Variants in NXPE2 observed in about 807,000 individuals in gnomAD.
The protein encoded by NXPE2 is NXPE family member 2.
In NXPE2, 34 loss-of-function variants were observed where a neutral mutation model predicts 34.4. The observed-to-expected ratio is 0.99, with a 90% confidence interval of 0.75 to 1.31. NXPE2 has a LOEUF of 1.31. NXPE2 is among the 40% of genes most tolerant of loss of function. The pLI is 0.00. For synonymous variants in NXPE2, 235 were observed against 231.3 expected (o/e 1.02, Z -0.15); for missense variants, 649 against 672.5 (o/e 0.97, Z 0.39).
At chr11:114,551,021 T>C in the NXPE2 span, 1 of 715,214 alleles carries the variant, frequency 1.4e-6, no homozygotes, top group South Asian at 1.6e-5. Context: ...GGGGCAGGAC[T>C]AATGGAGTGG....
chr11:114,566,466 A>G, the NXPE2 span, among the ~76,000 whole-genome samples: 1 of 152,194 alleles, frequency 6.6e-6, no homozygotes, highest in African/African-American at 2.4e-5. Flanking sequence ...GTCAAACACT[A>G]CTGAGAGGCT....
chr11:114,471,067 T>G, the NXPE2 span, among the ~76,000 whole-genome samples: 1 of 152,342 alleles, frequency 6.6e-6, no homozygotes, highest in East Asian at 1.9e-4. Flanking sequence ...TTAGCAAATC[T>G]TTTCTCCCAG....
chr11:114,586,984 C>G, the NXPE2 span, among the ~76,000 whole-genome samples: 1 of 152,170 alleles, frequency 6.6e-6, no homozygotes, highest in Non-Finnish European at 1.5e-5. Context: ...GAACATCTCT[C>G]TCTTTACCCT....
At chr11:114,808,565 T>C in the NXPE2 span, among the ~76,000 whole-genome samples, 65,424 of 69,348 alleles carry the variant, frequency 0.94, 31,252 homozygotes, top group Middle Eastern at 1. Context: ...ACTACAAACA[T>C]CTCTACGCAA....
At chr11:114,607,168 T>C in the NXPE2 span, among the ~76,000 whole-genome samples, 1 of 151,812 alleles carries the variant, frequency 6.6e-6, no homozygotes, top group Non-Finnish European at 1.5e-5. Flanking sequence ...CACTGGATAA[T>C]CAGTGTTGCA....
rs530946783 is a variant in NXPE2 at position 114,695,288 on chromosome 11, A to T, written c.133-2757A>T. Reference sequence around the variant, plus strand: ...GAATTCCTATTGAGTTGGTTGTAAGATGTGCAGGAGGGGAAGCATTCTGTA... The same window carrying T: ...GAATTCCTATTGAGTTGGTTGTAAGTTGTGCAGGAGGGGAAGCATTCTGTA... On this transcript the variant is annotated intron_variant, in intron 2 of 5. Coordinates refer to ENST00000389586, the MANE Select transcript of NXPE2 (RefSeq NM_182495.6). Among the ~76,000 whole-genome samples the T allele has an allele frequency of 2.6e-5, 4 of 152,258 alleles. No homozygotes were observed. In the East Asian group the frequency reaches 7.7e-4, roughly 29 times the overall value.
chr11:114,591,242 G>A, the NXPE2 span, among the ~76,000 whole-genome samples: 1 of 152,276 alleles, frequency 6.6e-6, no homozygotes, highest in East Asian at 1.9e-4. Context: ...CTTGAATTAA[G>A]CAAGGGAAAG....
At chr11:114,695,099 G>C (rs1951224068) in intron 2 of NXPE2, among the ~76,000 whole-genome samples, 2 of 152,078 alleles carry the variant, frequency 1.3e-5, no homozygotes, top group South Asian at 4.1e-4. Context: ...GAGTTAGACT[G>C]TGTTTACTGT....
upstream of NXPE2, among the ~76,000 whole-genome samples, chr11:114,676,812 A>G (rs1950862941): frequency 6.6e-6 from 1 of 152,062 alleles, no homozygotes; most frequent in African/African-American, 2.4e-5. Context: ...CTCCCATGTT[A>G]ATTGCAGCAA....
At chr11:114,688,842 A>C (rs1023847123) in intron 2 of NXPE2, among the ~76,000 whole-genome samples, 1 of 152,102 alleles carries the variant, frequency 6.6e-6, no homozygotes, top group African/African-American at 2.4e-5. Flanking sequence ...GTTTCCAGGA[A>C]TGTACCCATT....
At chr11:114,601,852 A>G in the NXPE2 span, among the ~76,000 whole-genome samples, 35 of 42,658 alleles carry the variant, frequency 8.2e-4, no homozygotes, top group African/African-American at 3.8e-3. Flanking sequence ...AATATAAAAT[A>G]TATAATATAC....
At chr11:114,582,479 G>A in the NXPE2 span, 1 of 1,614,124 alleles carries the variant, frequency 6.2e-7, no homozygotes. Flanking sequence ...AGTGGACTTG[G>A]GAAGTGCCAT....
At chr11:114,576,563 A>C in the NXPE2 span, among the ~76,000 whole-genome samples, 1 of 152,162 alleles carries the variant, frequency 6.6e-6, no homozygotes, top group African/African-American at 2.4e-5. Flanking sequence ...TCTCCAAAGA[A>C]GATATACAGA....
At chr11:114,629,698 G>T in the NXPE2 span, among the ~76,000 whole-genome samples, 11 of 151,958 alleles carry the variant, frequency 7.2e-5, no homozygotes, top group African/African-American at 2.2e-4. Context: ...AGGGAATAAA[G>T]GGTATTCAAT....
At chr11:114,490,818 A>G in the NXPE2 span, among the ~76,000 whole-genome samples, 13 of 152,272 alleles carry the variant, frequency 8.5e-5, no homozygotes, top group Non-Finnish European at 1.3e-4. Context: ...TAAAACGCCA[A>G]AAGCAATGGC....
the NXPE2 span, among the ~76,000 whole-genome samples, chr11:114,640,662 G>C: frequency 6.6e-6 from 1 of 152,054 alleles, no homozygotes; most frequent in African/African-American, 2.4e-5. Context: ...ACTAGGGTAA[G>C]GTGGTATCTC....
chr11:114,508,182 A>G, the NXPE2 span, among the ~76,000 whole-genome samples: 2 of 152,148 alleles, frequency 1.3e-5, no homozygotes, highest in African/African-American at 4.8e-5. Context: ...GAATACACCT[A>G]ACTAGGGAGG....
the NXPE2 span, among the ~76,000 whole-genome samples, chr11:114,658,912 C>T: frequency 6.6e-6 from 1 of 152,078 alleles, no homozygotes; most frequent in South Asian, 2.1e-4. Context: ...CAACAGCAAT[C>T]TACCATGGAA....
chr11:114,567,090 G>A, the NXPE2 span, among the ~76,000 whole-genome samples: 1 of 152,244 alleles, frequency 6.6e-6, no homozygotes, highest in South Asian at 2.1e-4. Flanking sequence ...TAGTGTTTTT[G>A]GTATGGGGAC....
Sources: gnomAD v4.1 joint callset for allele counts (sites outside exome capture counted in the v4.1 genomes callset) on GRCh38, gnomAD v4.1.1 for gene constraint, MANE v1.5 for transcripts, NCBI Gene and HGNC (gene_info 2026-07-23, HGNC 2026-07-21) for gene names.